The following GLG1 variants were observed in gnomAD, a reference collection of about 807,000 sequenced individuals.
The protein encoded by GLG1 is Golgi apparatus protein 1.
GLG1 carries 38 observed loss-of-function variants against 160.5 expected under a neutral mutation model. The ratio of observed to expected loss-of-function variants is 0.24; its 90% CI spans 0.18 to 0.31. The LOEUF (loss-of-function observed/expected upper bound fraction) is 0.31, where lower values mean the gene tolerates loss of function less well. Among genes scored for constraint, GLG1 ranks in the 10% least tolerant of loss-of-function variants. The probability of loss-of-function intolerance (pLI) is 1.00; values close to 1 mark genes in which losing one functional copy is unlikely to be tolerated. For synonymous variants in GLG1, 644 were observed against 543.4 expected (o/e 1.19, Z -2.57); for missense variants, 1,373 against 1,505.2 (o/e 0.91, Z 1.45).
At chr16:74,601,361 G>C (rs1567551416) in intron 1 of GLG1, among the ~76,000 whole-genome samples, 3 of 151,820 alleles carry the variant, frequency 2.0e-5, no homozygotes, top group Non-Finnish European at 2.9e-5. Context: ...GGGTGGGTCG[G>C]TTGAGCTCAG....
rs571035117 is a variant in GLG1 at position 74,606,785 on chromosome 16, C to A, written c.310G>T (p.Ala104Ser). Residue 104 changes from alanine to serine, a missense_variant, in exon 1 of 26, where the codon GCG becomes TCG. By Grantham distance (99) the Ala-to-Ser change is moderately conservative. Coordinates refer to ENST00000422840, the MANE Select transcript of GLG1 (RefSeq NM_001145667.2). ...AGGPPARRGGAGAGGGWKLAE... is the reference protein window; with the variant it reads ...AGGPPARRGGSGAGGGWKLAE... ...AGCTTCCAGCCCCCACCAGCCCCCGCTCCTCCCCGCCGGGCCGGAGGCCCA... is the reference window on the plus strand; with the variant it reads ...AGCTTCCAGCCCCCACCAGCCCCCGATCCTCCCCGCCGGGCCGGAGGCCCA... 1.2e-6 allele frequency: 2 copies of A among 1,606,360 alleles called. No homozygotes were observed. Among genetic ancestry groups the A allele is most frequent in the African/African-American group, 2.7e-5 (2 of 74,810 alleles).
chr16:74,580,984 A>G lies in GLG1; in HGVS notation c.438+25673T>C, dbSNP rs146336283. Among the ~76,000 whole-genome samples, 27 of 152,302 alleles carry G rather than the reference A, an allele frequency of 1.8e-4. No homozygotes were observed. The East Asian group carries it at 4.6e-3, about 26-fold the overall frequency. ...CGAGACTACGTCTCAAAAACAAACA[A>G]ACAGAAAATAAGTGTTGGTGAGGAT... On this transcript the variant is annotated intron_variant, in intron 1 of 25. Coordinates refer to ENST00000422840, the MANE Select transcript of GLG1 (RefSeq NM_001145667.2).
At chr16:74,511,583 TTTAAAA>T (rs1461431732) in intron 2 of GLG1, among the ~76,000 whole-genome samples, 5 of 116,500 alleles carry the variant, frequency 4.3e-5, no homozygotes, top group African/African-American at 3.0e-5. Flanking sequence ...ACCTTTTTTT[TTTAAAA>T]AAAAAAAAAA....
At chr16:74,535,062 G>C (rs12935325) in intron 1 of GLG1, among the ~76,000 whole-genome samples, 141,861 of 151,768 alleles carry the variant, frequency 0.93, 66,596 homozygotes, top group East Asian at 0.99. Flanking sequence ...GACATGTGGA[G>C]CAGACCTGAA....
At chr16:74,479,449 A>G (rs1474574160) in intron 11 of GLG1, among the ~76,000 whole-genome samples, 106 of 150,224 alleles carry the variant, frequency 7.1e-4, no homozygotes, top group East Asian at 2.1e-3. Context: ...ATGGAGAGAA[A>G]AAAAAAAAAA....
intron 3 of GLG1, among the ~76,000 whole-genome samples, chr16:74,503,974 A>G (rs1429563571): frequency 6.6e-6 from 1 of 152,150 alleles, no homozygotes; most frequent in African/African-American, 2.4e-5. Flanking sequence ...TTCTAGAAAA[A>G]CCTGATTAAT....
At chr16:74,499,816 A>G (rs1039858436) in intron 4 of GLG1, among the ~76,000 whole-genome samples, 1 of 152,178 alleles carries the variant, frequency 6.6e-6, no homozygotes, top group African/African-American at 2.4e-5. Flanking sequence ...ATCCTGGCTA[A>G]CACTGTGAAA....
intron 1 of GLG1, among the ~76,000 whole-genome samples, chr16:74,536,447 T>C (rs2017690401): frequency 6.6e-6 from 1 of 152,286 alleles, no homozygotes; most frequent in East Asian, 1.9e-4. Flanking sequence ...GTGCTAGGCA[T>C]TGTTGCAGGA....
At chr16:74,577,522 C>A (rs200898377) in intron 1 of GLG1, among the ~76,000 whole-genome samples, 916 of 119,810 alleles carry the variant, frequency 7.6e-3, no homozygotes, top group African/African-American at 8.6e-3. Flanking sequence ...AACTCCATCT[C>A]AAAAAAAAAA....
chr16:74,600,996 T>C (rs1477198195), intron 1 of GLG1, among the ~76,000 whole-genome samples: 2 of 152,156 alleles, frequency 1.3e-5, no homozygotes, highest in South Asian at 2.1e-4. Context: ...AGGTGTATAA[T>C]AGAAGATCAA....
At chr16:74,477,646 A>T (rs1279397687) in intron 11 of GLG1, 113 bp from the exon 12 acceptor site, 5 of 734,710 alleles carry the variant, frequency 6.8e-6, no homozygotes, top group Non-Finnish European at 1.1e-5. Flanking sequence ...TTTATCTCCC[A>T]AATTTTATAC....
chr16:74,582,971 G>C (rs1290538876), intron 1 of GLG1, among the ~76,000 whole-genome samples: 1 of 151,996 alleles, frequency 6.6e-6, no homozygotes, highest in Non-Finnish European at 1.5e-5. Flanking sequence ...AGTTACCCAA[G>C]GGTTTACTAC....
chr16:74,550,450 G>A (rs1384553937), intron 1 of GLG1, among the ~76,000 whole-genome samples: 1 of 152,094 alleles, frequency 6.6e-6, no homozygotes, highest in African/African-American at 2.4e-5. Context: ...TCCGCCGTGT[G>A]TGGGTTTCCT....
intron 1 of GLG1, among the ~76,000 whole-genome samples, chr16:74,553,215 G>A (rs1481963053): frequency 1.4e-5 from 2 of 141,632 alleles, no homozygotes; most frequent in African/African-American, 5.3e-5. Flanking sequence ...AGCAAACTCT[G>A]TCTCAAAAAA....
At chr16:74,506,604 A>AAAAAAC (rs1555511216) in intron 3 of GLG1, among the ~76,000 whole-genome samples, 7 of 143,044 alleles carry the variant, frequency 4.9e-5, no homozygotes, top group Non-Finnish European at 7.7e-5. Context: ...AAAAAAAAAA[A>AAAAAAC]CTCAAGAGAA....
intron 1 of GLG1, among the ~76,000 whole-genome samples, chr16:74,583,706 T>A (rs1780682012): frequency 6.6e-6 from 1 of 152,096 alleles, no homozygotes. Context: ...TTCACTTGGT[T>A]AAATTCTATC....
chr16:74,545,858 A>C (rs1232460440), intron 1 of GLG1, among the ~76,000 whole-genome samples: 1 of 152,182 alleles, frequency 6.6e-6, no homozygotes, highest in African/African-American at 2.4e-5. Context: ...CATCACATCA[A>C]ACTCATGTTG....
intron 22 of GLG1, among the ~76,000 whole-genome samples, chr16:74,460,297 G>C (rs1173274184): frequency 6.6e-6 from 1 of 152,100 alleles, no homozygotes; most frequent in African/African-American, 2.4e-5. Context: ...TGGGATTACA[G>C]GGCATGAGCC....
chr16:74,568,548 G>A (rs965472199), intron 1 of GLG1, among the ~76,000 whole-genome samples: 1 of 151,858 alleles, frequency 6.6e-6, no homozygotes, highest in Non-Finnish European at 1.5e-5. Flanking sequence ...CTCCTGAGTA[G>A]CTGTGATTAC....
Sources: gnomAD v4.1 joint callset for allele counts (sites outside exome capture counted in the v4.1 genomes callset) on GRCh38, gnomAD v4.1.1 for gene constraint, MANE v1.5 for transcripts, NCBI Gene and HGNC (gene_info 2026-07-23, HGNC 2026-07-21) for gene names.